Variants in CRB1 observed in about 807,000 individuals in gnomAD.
The protein encoded by CRB1 is crumbs cell polarity complex component 1.
CRB1 carries 83 observed loss-of-function variants against 120.0 expected under a neutral mutation model. The observed-to-expected ratio is 0.69, with a 90% CI of 0.58 to 0.83. The LOEUF (loss-of-function observed/expected upper bound fraction) is 0.83, where lower values mean the gene tolerates loss of function less well. Ranked by LOEUF, CRB1 falls within the 40% of genes least tolerant of loss-of-function variation. CRB1 has a pLI of 0.00. For missense variants in CRB1, 1,699 were observed against 1,687.6 expected (o/e 1.01, Z -0.12); for synonymous variants, 625 against 612.5 (o/e 1.02, Z -0.30).
At chr1:197,444,018 G>T (rs879499325) in intron 11 of CRB1, 12 of 152,134 alleles carry the variant, frequency 7.9e-5, no homozygotes, top group Non-Finnish European at 1.8e-4. Flanking sequence ...GACTTTAGGA[G>T]CTGTCCTGGT....
rs1433023534 is a variant in CRB1 at position 197,429,429 on chromosome 1, T to C, written c.2677-20T>C. On this transcript the variant is annotated intron_variant, in intron 7 of 11. Transcript: ENST00000367400. ...TTAGTTGCCAGTGCTTTTTATACCT[T>C]TGATTTCTTTTCTGCTCAGTCCAAC... is the stretch of plus-strand genomic sequence containing the variant. 1.9e-6 allele frequency: 3 copies of C among 1,613,914 alleles called. No individual in the cohort carries two copies. Among genetic ancestry groups the C allele is most frequent in the Non-Finnish European group, 2.5e-6 (3 of 1,179,824 alleles).
chr1:197,284,553 A>G (rs1655714638), intron 1 of CRB1, among the ~76,000 whole-genome samples: 1 of 151,874 alleles, frequency 6.6e-6, no homozygotes, highest in Admixed American at 6.6e-5. Flanking sequence ...ATGCTTAGTC[A>G]TTTCCATGGA....
At chr1:197,431,866 G>A (rs1664885334) in intron 8 of CRB1, among the ~76,000 whole-genome samples, 1 of 152,118 alleles carries the variant, frequency 6.6e-6, no homozygotes, top group East Asian at 1.9e-4. Flanking sequence ...TGACAGGTAT[G>A]AACCCAGAAT....
rs1333549933 is a variant in CRB1 at position 197,366,438 on chromosome 1, G to T, written c.1171+9425G>T. Among the ~76,000 whole-genome samples the T allele has an allele frequency of 2.6e-5, 4 of 152,016 alleles. No homozygotes were observed. The East Asian group carries it at 7.7e-4, about 29-fold the overall frequency. On this transcript the variant is annotated intron_variant, in intron 5 of 11. Transcript: ENST00000367400. Reference sequence around the variant, plus strand: ...CAAGTGTTAAATACAGGTATAAACTGTTCTTTTTTTGTATTATAATTAAGA... The same window carrying T: ...CAAGTGTTAAATACAGGTATAAACTTTTCTTTTTTTGTATTATAATTAAGA...
intron 5 of CRB1, among the ~76,000 whole-genome samples, chr1:197,406,705 A>G (rs1663428271): frequency 3.3e-5 from 5 of 152,182 alleles, no homozygotes; most frequent in Admixed American, 3.3e-4. Context: ...TCTTTTATTA[A>G]CTTAACTTTA....
intron 8 of CRB1, among the ~76,000 whole-genome samples, chr1:197,434,429 T>C (rs1665022519): frequency 6.6e-6 from 1 of 152,182 alleles, no homozygotes; most frequent in Admixed American, 6.6e-5. Flanking sequence ...AGTTTGATAT[T>C]CTGGCTTTGT....
chr1:197,247,060 A>T, the CRB1 span, among the ~76,000 whole-genome samples: 1 of 152,072 alleles, frequency 6.6e-6, no homozygotes, highest in Admixed American at 6.6e-5. Flanking sequence ...ATACTGTTAA[A>T]AAGGTATATA....
the CRB1 span, among the ~76,000 whole-genome samples, chr1:197,212,084 A>C: frequency 6.6e-6 from 1 of 152,174 alleles, no homozygotes. Context: ...AGATACCACT[A>C]TACATCCATT....
At chr1:197,426,883 G>A (rs563462543) in intron 6 of CRB1, among the ~76,000 whole-genome samples, 2 of 152,280 alleles carry the variant, frequency 1.3e-5, no homozygotes, top group Admixed American at 6.5e-5. Flanking sequence ...GAAAGGTTAT[G>A]TAACTAGCCT....
chr1:197,324,539 C>A (rs1658387466), intron 1 of CRB1, among the ~76,000 whole-genome samples: 1 of 152,118 alleles, frequency 6.6e-6, no homozygotes, highest in South Asian at 2.1e-4. Flanking sequence ...TCACTCTGTG[C>A]CAAGCCCTGT....
At chr1:197,300,601 C>T (rs1168539330) in intron 1 of CRB1, among the ~76,000 whole-genome samples, 1 of 150,492 alleles carries the variant, frequency 6.6e-6, no homozygotes, top group Non-Finnish European at 1.5e-5. Context: ...ATCTCCATAA[C>T]ATAAGAGTGC....
At chr1:197,211,127 A>C in the CRB1 span, among the ~76,000 whole-genome samples, 1 of 152,174 alleles carries the variant, frequency 6.6e-6, no homozygotes, top group African/African-American at 2.4e-5. Context: ...GGGGCTGGAA[A>C]ACTTTTTTAT....
the CRB1 span, among the ~76,000 whole-genome samples, chr1:197,227,407 T>C: frequency 6.6e-6 from 1 of 150,810 alleles, no homozygotes; most frequent in African/African-American, 2.4e-5. Context: ...TTTTTTTTTT[T>C]TTTGAGATGG....
intron 1 of CRB1, among the ~76,000 whole-genome samples, chr1:197,269,029 A>G (rs1390673772): frequency 6.6e-6 from 1 of 152,202 alleles, no homozygotes; most frequent in East Asian, 1.9e-4. Context: ...TCTGTTTTAT[A>G]AATGAAGATA....
chr1:197,346,053 TC>T (rs1160458727), intron 3 of CRB1, among the ~76,000 whole-genome samples: 1 of 152,082 alleles, frequency 6.6e-6, no homozygotes, highest in Non-Finnish European at 1.5e-5. Flanking sequence ...CCAGAAAGCA[TC>T]AGGACAGAAA....
the CRB1 span, among the ~76,000 whole-genome samples, chr1:197,206,395 A>G: frequency 2.0e-5 from 3 of 152,208 alleles, no homozygotes; most frequent in African/African-American, 7.2e-5. Context: ...ATTTAAGGCT[A>G]TGAACTTTCC....
chr1:197,395,030 G>A (rs1430831714), intron 5 of CRB1, among the ~76,000 whole-genome samples: 1 of 152,092 alleles, frequency 6.6e-6, no homozygotes, highest in Non-Finnish European at 1.5e-5. Flanking sequence ...TAACCCTGGG[G>A]TATTGTTACT....
chr1:197,419,594 C>T (rs1159949374), intron 5 of CRB1, among the ~76,000 whole-genome samples: 2 of 151,992 alleles, frequency 1.3e-5, no homozygotes, highest in Non-Finnish European at 2.9e-5. Flanking sequence ...AACTCCTGGC[C>T]TTAAGCAATC....
At chr1:197,402,261 A>C (rs1021883273) in intron 5 of CRB1, among the ~76,000 whole-genome samples, 2 of 152,108 alleles carry the variant, frequency 1.3e-5, no homozygotes, top group African/African-American at 4.8e-5. Context: ...CTTTGCGTTC[A>C]TGAGTTCTCA....
Sources: gnomAD v4.1 joint callset for allele counts (sites outside exome capture counted in the v4.1 genomes callset) on GRCh38, gnomAD v4.1.1 for gene constraint, MANE v1.5 for transcripts, NCBI Gene and HGNC (gene_info 2026-07-23, HGNC 2026-07-21) for gene names.